Variants in TMEM163 observed in about 807,000 individuals in gnomAD.
The protein encoded by TMEM163 is transmembrane protein 163.
A neutral mutation model predicts 29.3 loss-of-function variants in TMEM163; 17 were observed. The ratio of observed to expected loss-of-function variants is 0.58; its 90% CI spans 0.40 to 0.87. The LOEUF (loss-of-function observed/expected upper bound fraction) is 0.87. TMEM163 is among the 40% of genes least tolerant of loss of function. TMEM163 has a pLI of 0.00. For missense variants in TMEM163, 303 were observed against 381.5 expected, an observed-to-expected ratio of 0.79 and a Z score of 1.71; for synonymous variants, 157 against 160.6, an observed-to-expected ratio of 0.98 and a Z score of 0.17.
chr2:134,656,485 G>A (rs1424569690), intron 2 of TMEM163, among the ~76,000 whole-genome samples: 1 of 152,150 alleles, frequency 6.6e-6, no homozygotes, highest in African/African-American at 2.4e-5. Context: ...ACCTCAGATG[G>A]AAATGCAGAA....
chr2:134,522,122 T>A (rs1034990193), intron 4 of TMEM163, among the ~76,000 whole-genome samples: 7 of 144,814 alleles, frequency 4.8e-5, no homozygotes, highest in Non-Finnish European at 9.0e-5. Flanking sequence ...CTAGCGGGGG[T>A]GGGCTTAGAC....
At chr2:134,601,729 G>A (rs186340372) in intron 2 of TMEM163, among the ~76,000 whole-genome samples, 15 of 152,280 alleles carry the variant, frequency 9.9e-5, no homozygotes, top group African/African-American at 2.6e-4. Flanking sequence ...AACAAAGAAC[G>A]CCACCCTGGG....
intron 2 of TMEM163, among the ~76,000 whole-genome samples, chr2:134,668,013 G>A (rs1005942657): frequency 7.2e-5 from 11 of 152,166 alleles, no homozygotes; most frequent in Admixed American, 3.9e-4. Flanking sequence ...CAGCCCTGCC[G>A]AGGGCAGCAA....
At chr2:134,706,222 G>C (rs1423423284) in intron 2 of TMEM163, among the ~76,000 whole-genome samples, 1 of 152,168 alleles carries the variant, frequency 6.6e-6, no homozygotes. Flanking sequence ...GCATGGAGGA[G>C]GGGTGAGAGA....
At position 134,692,968 on chromosome 2, in the gene TMEM163, C is replaced by T. The variant is rs529501068; in HGVS notation, c.322+20232G>A. Among the ~76,000 whole-genome samples, 3 of 152,294 alleles carry T rather than the reference C, an allele frequency of 2.0e-5. No individual in the cohort carries two copies. In the East Asian group the frequency reaches 5.8e-4, roughly 29 times the overall value. On this transcript the variant is annotated intron_variant, in intron 2 of 7. Coordinates refer to ENST00000281924, the MANE Select transcript of TMEM163 (RefSeq NM_030923.5). ...TCCCAAATCCATCTTTCTTCCAGCA[C>T]CTCAGTCACGTTCCAGTTGCAGGTT...
At chr2:134,694,482 C>T (rs1684537429) in intron 2 of TMEM163, among the ~76,000 whole-genome samples, 1 of 152,178 alleles carries the variant, frequency 6.6e-6, no homozygotes, top group Non-Finnish European at 1.5e-5. Context: ...GATTTACTTA[C>T]CACTAAGAAC....
At chr2:134,519,791 G>C (rs1028337064) in intron 4 of TMEM163, among the ~76,000 whole-genome samples, 2 of 151,392 alleles carry the variant, frequency 1.3e-5, no homozygotes, top group African/African-American at 2.4e-5. Flanking sequence ...TCGAGACGCT[G>C]AGGCAGGAGA....
intron 4 of TMEM163, among the ~76,000 whole-genome samples, chr2:134,517,652 A>C (rs988670339): frequency 2.0e-5 from 3 of 152,200 alleles, no homozygotes; most frequent in Non-Finnish European, 4.4e-5. Flanking sequence ...AAAATGGAAA[A>C]TATCTCTAGA....
chr2:134,481,266 G>A (rs1574164272), intron 5 of TMEM163, among the ~76,000 whole-genome samples: 3 of 151,648 alleles, frequency 2.0e-5, no homozygotes, highest in Non-Finnish European at 2.9e-5. Context: ...GCTTCCCATC[G>A]ACACCAGGTG....
chr2:134,527,882 A>G (rs1365725923), intron 4 of TMEM163, among the ~76,000 whole-genome samples: 1 of 152,214 alleles, frequency 6.6e-6, no homozygotes, highest in South Asian at 2.1e-4. Context: ...AAAATGGGCT[A>G]AGTCTTGGAA....
intron 2 of TMEM163, among the ~76,000 whole-genome samples, chr2:134,674,938 C>G (rs1684082888): frequency 6.6e-6 from 1 of 152,176 alleles, no homozygotes; most frequent in Non-Finnish European, 1.5e-5. Context: ...TCTTCATGTT[C>G]CTTTAAAAAA....
chr2:134,456,574 G>C lies in TMEM163; in HGVS notation c.*142C>G. On this transcript the variant is annotated 3_prime_UTR_variant, in exon 8 of 8. Transcript: ENST00000281924. ...GATGGGGGCAAGGTAGATCCACCTG[G>C]CTGGGCAGACCTTGTCTTGTAATGA... The C allele has an allele frequency of 1.0e-6, 1 of 982,050 alleles. No individual in the cohort carries two copies. Among genetic ancestry groups the C allele is most frequent in the Admixed American group, 2.0e-5 (1 of 49,088 alleles). The allele number at this position is 982,050 out of a possible 1,614,324, so 60.8% of individuals were successfully genotyped here. A position where few individuals can be genotyped will look rare whatever the true frequency, so the allele number is the denominator to read the frequency against.
Position 134,570,467 on chromosome 2 carries a change from TATATATACATATAC to T in TMEM163, c.323-18390_323-18377del, listed in dbSNP as rs1456161517. Among the ~76,000 whole-genome samples, 53 of 139,704 alleles carry T rather than the reference TATATATACATATAC, an allele frequency of 3.8e-4. No homozygotes were observed. The East Asian group carries it at 7.2e-3, about 19-fold the overall frequency. The allele number at this position is 139,704 out of a possible 152,430, so 91.7% of individuals were successfully genotyped here. A position where few individuals can be genotyped will look rare whatever the true frequency, so the allele number is the denominator to read the frequency against. ...ACAGATAAGGGGGTACTACTACATA[TATATATACATATAC>T]ATATACATATACATATACATATACA... On this transcript the variant is annotated intron_variant, in intron 2 of 7. Transcript: ENST00000281924.
chr2:134,630,874 G>C (rs1202701614), intron 2 of TMEM163, among the ~76,000 whole-genome samples: 1 of 152,148 alleles, frequency 6.6e-6, no homozygotes, highest in Non-Finnish European at 1.5e-5. Flanking sequence ...GGGGAGTTCT[G>C]GTTGTTAATC....
At chr2:134,674,134 C>A (rs375865266) in intron 2 of TMEM163, among the ~76,000 whole-genome samples, 1 of 152,064 alleles carries the variant, frequency 6.6e-6, no homozygotes, top group Non-Finnish European at 1.5e-5. Context: ...CAAACACATA[C>A]TTTTGTCAAG....
intron 1 of TMEM163, chr2:134,713,747 C>T (rs1684978804): frequency 2.2e-6 from 1 of 452,492 alleles, no homozygotes; most frequent in African/African-American, 2.0e-5. Context: ...CAGCTGTGAG[C>T]ATTGATTCAC....
At position 134,460,082 on chromosome 2, in the gene TMEM163, C is replaced by CT. The variant is rs369851123; in HGVS notation, c.668-1910_668-1909insA. Among the ~76,000 whole-genome samples the CT allele has an allele frequency of 6.7e-6, 1 of 148,660 alleles. No individual in the cohort carries two copies. The highest frequency in any genetic ancestry group is 6.7e-5 in the Admixed American group (1 of 14,990). On this transcript the variant is annotated intron_variant, in intron 6 of 7. Coordinates refer to ENST00000281924, the MANE Select transcript of TMEM163 (RefSeq NM_030923.5). The surrounding 1 kb of genome is among the most constrained non-coding windows in gnomAD (Gnocchi z 4.3). ...AGCCCCTTGCCAGATGTTACCCCCC[C>CT]CCAAATTCATTCTCACTCTCCCCGC... is the stretch of plus-strand genomic sequence containing the variant.
intron 2 of TMEM163, among the ~76,000 whole-genome samples, chr2:134,606,343 CA>C (rs11320775): frequency 0.62 from 91,389 of 146,976 alleles, 28,854 homozygotes; most frequent in African/African-American, 0.71. Flanking sequence ...AACTCCGTCT[CA>C]AAAAAAAAAA....
At chr2:134,506,958 T>TG (rs1679838046) in intron 4 of TMEM163, among the ~76,000 whole-genome samples, 1 of 152,124 alleles carries the variant, frequency 6.6e-6, no homozygotes, top group Non-Finnish European at 1.5e-5. Flanking sequence ...GCCCCAACTC[T>TG]GGGGGAGAAC....
Sources: gnomAD v4.1 joint callset for allele counts (sites outside exome capture counted in the v4.1 genomes callset) on GRCh38, gnomAD v4.1.1 for gene constraint, Gnocchi (gnomAD v3.1) non-coding constraint, MANE v1.5 for transcripts, NCBI Gene and HGNC (gene_info 2026-07-23, HGNC 2026-07-21) for gene names.